Variants in TMEFF1 observed in about 807,000 individuals in gnomAD.
TMEFF1 encodes the protein tomoregulin-1.
Under a neutral mutation model 47.5 loss-of-function variants are expected in TMEFF1, and 20 were observed. The ratio of observed to expected loss-of-function variants is 0.42; its 90% CI spans 0.30 to 0.61. The LOEUF (loss-of-function observed/expected upper bound fraction) is 0.61. TMEFF1 is among the 20% of genes least tolerant of loss of function. The pLI is 0.19. For synonymous variants in TMEFF1, 162 were observed against 166.3 expected (o/e 0.97, Z 0.20); for missense variants, 411 against 471.1 (o/e 0.87, Z 1.18).
chr9:100,492,514 A>G (rs968209106), intron 1 of TMEFF1, among the ~76,000 whole-genome samples: 7 of 152,220 alleles, frequency 4.6e-5, no homozygotes, highest in East Asian at 1.9e-4. Flanking sequence ...TTGAGAATTC[A>G]TTGTGCCATA....
chr9:100,516,426 G>A (rs1207981433), intron 4 of TMEFF1, among the ~76,000 whole-genome samples: 1 of 152,130 alleles, frequency 6.6e-6, no homozygotes, highest in Non-Finnish European at 1.5e-5. Context: ...CAAACCTACT[G>A]TGTAGTTCTG....
intron 5 of TMEFF1, among the ~76,000 whole-genome samples, chr9:100,544,462 G>C (rs938367150): frequency 6.6e-6 from 1 of 152,188 alleles, no homozygotes; most frequent in Non-Finnish European, 1.5e-5. Flanking sequence ...ACTATCATGA[G>C]AGCAGCACAG....
intron 3 of TMEFF1, 104 bp from the exon 4 acceptor site, chr9:100,513,203 G>A: frequency 6.8e-7 from 1 of 1,465,336 alleles, no homozygotes; most frequent in Non-Finnish European, 9.3e-7. Flanking sequence ...AGGACTCTTT[G>A]AGAATGGATA....
rs1186712391 is a variant in TMEFF1, at chr9:100,530,348, C to T, written c.560+13577C>T. Among the ~76,000 whole-genome samples, 331 of 151,356 alleles carry T rather than the reference C, an allele frequency of 2.2e-3. 2 individuals are homozygous for T. The highest frequency in any genetic ancestry group is 7.5e-3 in the African/African-American group (308 of 41,240). Reference sequence around the variant, plus strand: ...ATTGATAGACTGCTAGCAAGACTAACAAAGAAAAAAAGAGAGAAGAATCAA... The same window carrying T: ...ATTGATAGACTGCTAGCAAGACTAATAAAGAAAAAAAGAGAGAAGAATCAA... On this transcript the variant is annotated intron_variant, in intron 5 of 9. Transcript: ENST00000374879.
intron 1 of TMEFF1, among the ~76,000 whole-genome samples, chr9:100,475,332 A>C (rs1837202400): frequency 6.6e-6 from 1 of 152,218 alleles, no homozygotes. Context: ...CACAGTAAAC[A>C]ATGGCATGTC....
chr9:100,500,622 G>A (rs1837739485), intron 2 of TMEFF1, among the ~76,000 whole-genome samples: 2 of 152,046 alleles, frequency 1.3e-5, no homozygotes, highest in Non-Finnish European at 2.9e-5. Flanking sequence ...TTCACTGTAA[G>A]CATATTTTCC....
At chr9:100,562,145 T>C (rs1370389964) in intron 8 of TMEFF1, among the ~76,000 whole-genome samples, 1 of 152,142 alleles carries the variant, frequency 6.6e-6, no homozygotes, top group Non-Finnish European at 1.5e-5. Flanking sequence ...TGCTAGAAGC[T>C]CATCATCTGC....
chr9:100,574,441 G>A (rs544451235), intron 9 of TMEFF1, among the ~76,000 whole-genome samples: 1 of 152,272 alleles, frequency 6.6e-6, no homozygotes, highest in East Asian at 1.9e-4. Context: ...CTGGAGTGCA[G>A]TGGCATGATC....
At chr9:100,505,505 A>G (rs1837843353) in intron 2 of TMEFF1, among the ~76,000 whole-genome samples, 1 of 151,718 alleles carries the variant, frequency 6.6e-6, no homozygotes, top group South Asian at 2.1e-4. Context: ...AGTAGATGCT[A>G]GAATAAAAAC....
intron 9 of TMEFF1, among the ~76,000 whole-genome samples, chr9:100,573,576 G>A (rs910373579): frequency 1.3e-5 from 2 of 152,168 alleles, no homozygotes; most frequent in African/African-American, 4.8e-5. Flanking sequence ...CAGTTCAGAA[G>A]TCTCATAAGC....
At chr9:100,479,615 A>G (rs1837302223) in intron 1 of TMEFF1, among the ~76,000 whole-genome samples, 1 of 152,144 alleles carries the variant, frequency 6.6e-6, no homozygotes, top group African/African-American at 2.4e-5. Flanking sequence ...ATGGGATCAT[A>G]TGAGGTGTGT....
intron 1 of TMEFF1, among the ~76,000 whole-genome samples, chr9:100,481,615 G>C (rs906580735): frequency 2.0e-5 from 3 of 152,180 alleles, no homozygotes; most frequent in African/African-American, 7.2e-5. Flanking sequence ...TAAAGGGTTT[G>C]AGTGACATTA....
At chr9:100,542,695 T>G (rs1185397743) in intron 5 of TMEFF1, among the ~76,000 whole-genome samples, 2 of 152,196 alleles carry the variant, frequency 1.3e-5, no homozygotes, top group Non-Finnish European at 2.9e-5. Context: ...TAAAATATTC[T>G]TTTTCTCATT....
intron 1 of TMEFF1, among the ~76,000 whole-genome samples, chr9:100,492,968 CG>C (rs1837583378): frequency 6.6e-6 from 1 of 152,060 alleles, no homozygotes; most frequent in South Asian, 2.1e-4. Context: ...TTGAGATTGC[CG>C]ATTATTTGAC....
chr9:100,511,154 G>A (rs1336459980), intron 3 of TMEFF1, among the ~76,000 whole-genome samples: 1 of 152,130 alleles, frequency 6.6e-6, no homozygotes, highest in Admixed American at 6.5e-5. Context: ...ATTTGGTGTG[G>A]TTCTTATATA....
intron 8 of TMEFF1, among the ~76,000 whole-genome samples, chr9:100,563,846 A>G (rs1346328079): frequency 6.6e-6 from 1 of 152,218 alleles, no homozygotes; most frequent in Non-Finnish European, 1.5e-5. Context: ...AATATCTTAA[A>G]TGCTAAAGAA....
At chr9:100,534,124 T>TGTGTTAGAAAGAAAAGTGGGA (rs1838458890) in intron 5 of TMEFF1, among the ~76,000 whole-genome samples, 1 of 152,116 alleles carries the variant, frequency 6.6e-6, no homozygotes, top group Non-Finnish European at 1.5e-5. Context: ...GTGTCCCTAG[T>TGTGTTAGAAAGAAAAGTGGGA]GTGTTAGAAA....
At chr9:100,489,809 G>A (rs1269869785) in intron 1 of TMEFF1, among the ~76,000 whole-genome samples, 3 of 152,274 alleles carry the variant, frequency 2.0e-5, no homozygotes, top group African/African-American at 4.8e-5. Flanking sequence ...GGTTTGCCAG[G>A]CTAGTGTCAG....
chr9:100,485,472 A>G (rs1462027582), intron 1 of TMEFF1, among the ~76,000 whole-genome samples: 1 of 152,220 alleles, frequency 6.6e-6, no homozygotes, highest in African/African-American at 2.4e-5. Flanking sequence ...CATTTTCATC[A>G]GCTATGTGTG....
Sources: gnomAD v4.1 joint callset for allele counts (sites outside exome capture counted in the v4.1 genomes callset) on GRCh38, gnomAD v4.1.1 for gene constraint, MANE v1.5 for transcripts, NCBI Gene and HGNC (gene_info 2026-07-23, HGNC 2026-07-21) for gene names.